TM2D1: variants seen among roughly 807,000 people sequenced by gnomAD.
The protein encoded by TM2D1 is TM2 domain-containing protein 1.
A neutral mutation model predicts 28.4 loss-of-function variants in TM2D1; 15 were observed. The ratio of observed to expected loss-of-function variants is 0.53; its 90% CI spans 0.35 to 0.81. The LOEUF (loss-of-function observed/expected upper bound fraction) is 0.81. TM2D1 is among the 40% of genes least tolerant of loss of function. The probability of loss-of-function intolerance (pLI) is 0.01; values close to 1 mark genes in which losing one functional copy is unlikely to be tolerated. For synonymous variants in TM2D1, 93 were observed against 96.2 expected, an observed-to-expected ratio of 0.97 and a Z score of 0.20; for missense variants, 236 against 254.9, an observed-to-expected ratio of 0.93 and a Z score of 0.50.
intron 6 of TM2D1, among the ~76,000 whole-genome samples, chr1:61,682,247 G>C (rs1005581311): frequency 2.5e-4 from 38 of 152,116 alleles, no homozygotes; most frequent in Admixed American, 2.3e-3. Flanking sequence ...GAAAACCCTA[G>C]AACAAGGATA....
chr1:61,724,432 CA>C (rs1440885757), intron 1 of TM2D1: 1 of 152,178 alleles, frequency 6.6e-6, no homozygotes, highest in Non-Finnish European at 1.5e-5. Flanking sequence ...GACCCTGTCT[CA>C]AAAAAAGAAA....
chr1:61,717,490 A>G (rs763978343), intron 2 of TM2D1, among the ~76,000 whole-genome samples: 1 of 152,236 alleles, frequency 6.6e-6, no homozygotes, highest in Non-Finnish European at 1.5e-5. Flanking sequence ...GGTTCTGACC[A>G]ATGTCTAGGA....
chr1:61,683,101 C>G (rs1345947323), intron 6 of TM2D1, among the ~76,000 whole-genome samples: 1 of 152,066 alleles, frequency 6.6e-6, no homozygotes, highest in Non-Finnish European at 1.5e-5. Flanking sequence ...GCAGAAATAT[C>G]TGCTATATTG....
intron 5 of TM2D1, among the ~76,000 whole-genome samples, chr1:61,690,745 T>A (rs1644318175): frequency 6.6e-6 from 1 of 152,150 alleles, no homozygotes; most frequent in African/African-American, 2.4e-5. Context: ...CCTCAAAAAA[T>A]TTATGTGTGA....
At chr1:61,706,397 C>T (rs1644440804) in intron 3 of TM2D1, among the ~76,000 whole-genome samples, 1 of 152,014 alleles carries the variant, frequency 6.6e-6, no homozygotes, top group African/African-American at 2.4e-5. Flanking sequence ...TGGGGTTTCA[C>T]CATGTTGCCC....
At chr1:61,694,175 A>G (rs1280255110) in intron 5 of TM2D1, 4 of 152,004 alleles carry the variant, frequency 2.6e-5, no homozygotes, top group African/African-American at 9.7e-5. Context: ...GCTGGATTTC[A>G]GTTTCTGTAA....
At chr1:61,724,480 G>C (rs1644590575) in intron 1 of TM2D1, 1 of 153,206 alleles carries the variant, frequency 6.5e-6, no homozygotes, top group South Asian at 2.1e-4. Context: ...ACCATCTCAT[G>C]AAGTTTGAAG....
intron 2 of TM2D1, among the ~76,000 whole-genome samples, chr1:61,721,975 A>AAG (rs1644571337): frequency 6.6e-6 from 1 of 150,580 alleles, no homozygotes; most frequent in Non-Finnish European, 1.5e-5. Context: ...AAAAAAAAAA[A>AAG]AAAGTCAGGG....
chr1:61,699,994 C>A, intron 4 of TM2D1: 1 of 784,636 alleles, frequency 1.3e-6, no homozygotes, highest in Non-Finnish European at 1.8e-6. Flanking sequence ...ATAAGGTTAG[C>A]TTTGCTAGCT....
chr1:61,713,212 T>C (rs940091974), intron 2 of TM2D1, among the ~76,000 whole-genome samples: 1 of 150,650 alleles, frequency 6.6e-6, no homozygotes, highest in Non-Finnish European at 1.5e-5. Context: ...GTGCAGCGGC[T>C]CATGCCTGTA....
intron 4 of TM2D1, chr1:61,697,664 T>TA (rs912907023): frequency 2.6e-5 from 4 of 152,174 alleles, no homozygotes; most frequent in Non-Finnish European, 4.4e-5. Context: ...ATCACTATAA[T>TA]AAAAAAAGAA....
chr1:61,711,540 C>CT (rs1644479466), intron 2 of TM2D1, among the ~76,000 whole-genome samples: 2 of 150,866 alleles, frequency 1.3e-5, no homozygotes, highest in Admixed American at 1.3e-4. Context: ...TGTCAGGAGG[C>CT]TGAGGCAGGA....
intron 2 of TM2D1, among the ~76,000 whole-genome samples, chr1:61,718,607 T>C (rs934944776): frequency 6.6e-6 from 1 of 152,106 alleles, no homozygotes. Flanking sequence ...ATACTAACTA[T>C]ACAGTAGAAA....
intron 3 of TM2D1, among the ~76,000 whole-genome samples, chr1:61,706,556 C>G (rs1293165283): frequency 1.3e-5 from 2 of 151,632 alleles, no homozygotes; most frequent in African/African-American, 2.4e-5. Flanking sequence ...CAGCTGTAAT[C>G]CCAGCACTTT....
intron 3 of TM2D1, among the ~76,000 whole-genome samples, chr1:61,703,021 G>A (rs918518320): frequency 2.0e-5 from 3 of 151,348 alleles, no homozygotes; most frequent in Non-Finnish European, 2.9e-5. Context: ...CATGAGAATC[G>A]CTTGAACCTG....
chr1:61,708,088 A>G (rs934976825), intron 3 of TM2D1, among the ~76,000 whole-genome samples: 7 of 152,156 alleles, frequency 4.6e-5, no homozygotes, highest in African/African-American at 1.7e-4. Flanking sequence ...TTTTTTAGAG[A>G]CAGGGTCTCT....
intron 3 of TM2D1, among the ~76,000 whole-genome samples, chr1:61,706,747 T>C (rs937718286): frequency 1.3e-5 from 2 of 150,250 alleles, no homozygotes; most frequent in Non-Finnish European, 3.0e-5. Flanking sequence ...GGTTCAGTGA[T>C]GGCGGAGGTT....
intron 4 of TM2D1, chr1:61,697,664 TAAA>T (rs912907023): frequency 6.6e-6 from 1 of 152,174 alleles, no homozygotes; most frequent in African/African-American, 2.4e-5. Flanking sequence ...ATCACTATAA[TAAA>T]AAAAGAACAT....
chr1:61,691,066 G>A (rs1151762), intron 5 of TM2D1, among the ~76,000 whole-genome samples: 52,616 of 152,006 alleles, frequency 0.35, 11,025 homozygotes, highest in African/African-American at 0.59. Flanking sequence ...ATAACTTTCT[G>A]TATTGTAATA....
Sources: gnomAD v4.1 joint callset for allele counts (sites outside exome capture counted in the v4.1 genomes callset) on GRCh38, gnomAD v4.1.1 for gene constraint, MANE v1.5 for transcripts, NCBI Gene and HGNC (gene_info 2026-07-23, HGNC 2026-07-21) for gene names.